Variants in PKHD1L1 observed in about 807,000 individuals in gnomAD.
The protein encoded by PKHD1L1 is fibrocystin-L.
Under a neutral mutation model 462.9 loss-of-function variants are expected in PKHD1L1, and 434 were observed. That is an observed-to-expected ratio of 0.94 (90% CI 0.87 to 1.02). PKHD1L1 has a LOEUF of 1.02. Ranked by LOEUF, PKHD1L1 falls within the 50% of genes least tolerant of loss-of-function variation. The pLI, the probability that PKHD1L1 is intolerant of heterozygous loss-of-function variation, is 0.00. For synonymous variants in PKHD1L1, 1,781 were observed against 1,750.0 expected (o/e 1.02, Z -0.44); for missense variants, 5,202 against 5,096.1 (o/e 1.02, Z -0.63).
intron 67 of PKHD1L1, among the ~76,000 whole-genome samples, chr8:109,503,742 C>G (rs1262144450): frequency 2.0e-5 from 3 of 152,164 alleles, no homozygotes; most frequent in Admixed American, 1.3e-4. Context: ...TTTAAACAAC[C>G]ATTTAGCTCA....
At position 109,400,175 on chromosome 8, in the gene PKHD1L1, C is replaced by T; in HGVS notation, c.1112C>T (p.Ala371Val). 1.2e-6 allele frequency: 2 copies of T among 1,613,598 alleles called. No homozygotes were observed. The highest frequency in any genetic ancestry group is 1.7e-6 in the Non-Finnish European group (2 of 1,179,696). The change falls in exon 13 of 78, where the codon GCC becomes GTC. Residue 371 changes from alanine to valine, a missense_variant. This residue lies in a region of PKHD1L1 where 4,497 missense variants were observed against 4,336.8 expected (regional missense o/e 1.04). Coordinates refer to ENST00000378402, the MANE Select transcript of PKHD1L1 (RefSeq NM_177531.6). ...YNEKTPGYMG[A>V]SWVDSASYIW... ...GAAAAAACGCCTGGGTACATGGGTG[C>T]CAGTTGGGTAGATTCAGCTTCCTAT... is the stretch of plus-strand genomic sequence containing the variant.
intron 50 of PKHD1L1, chr8:109,470,911 G>A: frequency 6.3e-7 from 1 of 1,586,644 alleles, no homozygotes; most frequent in Non-Finnish European, 8.6e-7. Flanking sequence ...GGGAAGCCTG[G>A]GGAGAGAGAA....
Position 109,452,863 on chromosome 8 carries a change from T to C in PKHD1L1, c.6653T>C (p.Leu2218Ser). Residue 2218 changes from leucine (L) to serine (S), a missense_variant, in exon 43 of 78, where the codon TTG becomes TCG. Leu to Ser is a moderately radical substitution (Grantham distance 145, BLOSUM62 -2). Around this residue, in one of 3 missense-constraint regions of PKHD1L1, gnomAD observed 4,497 missense variants for 4,336.8 expected, o/e 1.04. Coordinates refer to ENST00000378402, the MANE Select transcript of PKHD1L1 (RefSeq NM_177531.6). ...CAAAGCACCCCTATTTTGAAAATGT[T>C]GCTTATTCAGGGTAAATTTCTGAAT... ...LDQSTPILKM[L>S]LIQGGTLIFD... The C allele has an allele frequency of 1.4e-6, 2 of 1,446,142 alleles. No individual in the cohort carries two copies. Among genetic ancestry groups the C allele is most frequent in the South Asian group, 3.3e-5 (2 of 61,138 alleles). 89.6% of individuals were successfully genotyped at this position (1,446,142 alleles called of 1,614,324 possible). A position where few individuals can be genotyped will look rare whatever the true frequency, so the allele number is the denominator to read the frequency against.
intron 2 of PKHD1L1, among the ~76,000 whole-genome samples, chr8:109,372,279 G>A (rs1477258894): frequency 6.6e-6 from 1 of 152,212 alleles, no homozygotes; most frequent in Non-Finnish European, 1.5e-5. Context: ...GTGAATGGGA[G>A]TTCACTCAAG....
At chr8:109,366,244 T>C (rs1261814120) in intron 2 of PKHD1L1, among the ~76,000 whole-genome samples, 2 of 152,268 alleles carry the variant, frequency 1.3e-5, no homozygotes, top group Non-Finnish European at 1.5e-5. Flanking sequence ...GGTAAATTTC[T>C]ACTTTTCTCA....
At chr8:109,508,875 A>G (rs1819834225) in intron 70 of PKHD1L1, among the ~76,000 whole-genome samples, 1 of 152,142 alleles carries the variant, frequency 6.6e-6, no homozygotes, top group South Asian at 2.1e-4. Context: ...GAGGATGCAG[A>G]TCAGCTTAGG....
chr8:109,515,881 G>T (rs908305273), intron 72 of PKHD1L1, among the ~76,000 whole-genome samples: 1 of 152,022 alleles, frequency 6.6e-6, no homozygotes, highest in Non-Finnish European at 1.5e-5. Flanking sequence ...TTCTAATGAG[G>T]CCAATAGCAT....
chr8:109,382,474 A>C lies in PKHD1L1; in HGVS notation c.320A>C (p.Glu107Ala). Reference sequence around the variant, plus strand: ...CATTTTCTTTATAGAGCAATGCCGGAAGATTCCTACACTGTTAGAGTCAGT... The same window carrying C: ...CATTTTCTTTATAGAGCAATGCCGGCAGATTCCTACACTGTTAGAGTCAGT... ...QITCYTRAMP[E>A]DSYTVRVSVD... is the part of the protein sequence containing the mutation. The change falls in exon 4 of 78, where the codon GAA (glutamate) becomes GCA (alanine). Residue 107 changes from glutamate to alanine, a missense_variant. By Grantham distance (107) the Glu-to-Ala change is moderately radical. Around this residue, in one of 3 missense-constraint regions of PKHD1L1, gnomAD observed 4,497 missense variants for 4,336.8 expected, o/e 1.04. Coordinates refer to ENST00000378402, the MANE Select transcript of PKHD1L1 (RefSeq NM_177531.6). 6.2e-7 allele frequency: 1 copy of C among 1,605,214 alleles called. No individual in the cohort carries two copies. The highest frequency in any genetic ancestry group is 1.1e-5 in the South Asian group (1 of 89,680).
rs113736115 is a variant in PKHD1L1 at position 109,418,403 on chromosome 8, A to T, written c.2361-694A>T. On this transcript the variant is annotated intron_variant, in intron 21 of 77. Coordinates refer to ENST00000378402, the MANE Select transcript of PKHD1L1 (RefSeq NM_177531.6). ...AGGTACCCAAACAAACTAGTCAGTT[A>T]ATAACTACAGTGGTAGCTGATGAAA... Among the ~76,000 whole-genome samples the T allele has an allele frequency of 2.5e-3, 382 of 152,342 alleles. 1 individual carries two copies. Among genetic ancestry groups the T allele is most frequent in the African/African-American group, 8.8e-3 (366 of 41,592 alleles).
chr8:109,440,834 G>A lies in PKHD1L1; in HGVS notation c.4081G>A (p.Glu1361Lys). 1 of 1,612,618 alleles carries A rather than the reference G, an allele frequency of 6.2e-7. No individual in the cohort carries two copies. The change falls in exon 33 of 78, where the codon GAG (glutamate) becomes AAG (lysine). Residue 1361 changes from glutamate to lysine, a missense_variant. Around this residue, in one of 3 missense-constraint regions of PKHD1L1, gnomAD observed 4,497 missense variants for 4,336.8 expected, o/e 1.04. Coordinates refer to ENST00000378402, the MANE Select transcript of PKHD1L1 (RefSeq NM_177531.6). ...RGFGFSTIPA[E>K]NTVLLGSIPC... ...TTTTGGATTCAGCACAATACCAGCT[G>A]AGAATACCGTGCTGTTAGGTAAGAG...
At chr8:109,528,493 C>G (rs983954841) in intron 77 of PKHD1L1, among the ~76,000 whole-genome samples, 1 of 152,138 alleles carries the variant, frequency 6.6e-6, no homozygotes, top group Non-Finnish European at 1.5e-5. Context: ...CAAATCATTT[C>G]CAGAAAGAAT....
intron 50 of PKHD1L1, among the ~76,000 whole-genome samples, chr8:109,467,173 A>G (rs1270262954): frequency 6.6e-6 from 1 of 152,034 alleles, no homozygotes; most frequent in Admixed American, 6.6e-5. Context: ...GGATTTACTG[A>G]TTTGTTCCGG....
Position 109,490,062 on chromosome 8 carries a change from G to A in PKHD1L1, c.9984+7G>A. On this transcript the variant is annotated splice_region_variant and intron_variant, in intron 60 of 77. Transcript: ENST00000378402. ...GTTTCTTAACCTAGGACAGGTTTGT[G>A]CTTTATTTTTAATTTTGTGTATATT... 1 of 1,532,924 alleles carries A rather than the reference G, an allele frequency of 6.5e-7. No homozygotes were observed. The highest frequency in any genetic ancestry group is 8.9e-7 in the Non-Finnish European group (1 of 1,128,972). 95.0% of individuals were successfully genotyped at this position (1,532,924 alleles called of 1,614,324 possible).
rs531950895 is a variant in PKHD1L1, at chr8:109,368,412, T to C, written c.163+3776T>C. Among the ~76,000 whole-genome samples, 8 of 152,308 alleles carry C rather than the reference T, an allele frequency of 5.3e-5. No homozygotes were observed. The South Asian group carries it at 1.5e-3, about 28-fold the overall frequency. ...AGCCTTAGCTTACTCATCAGTAAAA[T>C]GGACTATTAATTCCTACCTCTTGGG... On this transcript the variant is annotated intron_variant, in intron 2 of 77. Transcript: ENST00000378402.
At position 109,448,140 on chromosome 8, in the gene PKHD1L1, A is replaced by G; in HGVS notation, c.5777-3A>G. ...TATATTGTGTGCTTTTTTTTTTTTT[A>G]AGGTCCACCAGGAACTGAAATTGAG... On this transcript the variant is annotated splice_polypyrimidine_tract_variant and splice_region_variant and intron_variant, in intron 38 of 77. Coordinates refer to ENST00000378402, the MANE Select transcript of PKHD1L1 (RefSeq NM_177531.6). The G allele has an allele frequency of 6.4e-7, 1 of 1,558,200 alleles. No homozygotes were observed. The highest frequency in any genetic ancestry group is 8.6e-7 in the Non-Finnish European group (1 of 1,156,398).
chr8:109,445,377 A>T lies in PKHD1L1; in HGVS notation c.5508A>T (p.Leu1836=). The T allele has an allele frequency of 6.2e-7, 1 of 1,613,956 alleles. No homozygotes were observed. The highest frequency in any genetic ancestry group is 2.2e-5 in the East Asian group (1 of 44,880). ...LTVSSPPVAS[L]SPTSGSIGGG... ...TCAGCAGCCCCCCAGTAGCATCTCT[A>T]TCACCAACTTCTGGAAGCATTGGTG... The change falls in exon 38 of 78, where the codon CTA becomes CTT. Residue 1836 remains leucine (L), a synonymous_variant. Coordinates refer to ENST00000378402, the MANE Select transcript of PKHD1L1 (RefSeq NM_177531.6).
In PKHD1L1 at chr8:109,491,855, T is replaced by C. The variant is rs781172475; in HGVS notation, c.10115-18T>C. Reference sequence around the variant, plus strand: ...TGTTTTTTGGGGATTTTCTTTCTTTTTTTCTTTTTTTAAACAGGCATAAGA... The same window carrying C: ...TGTTTTTTGGGGATTTTCTTTCTTTCTTTCTTTTTTTAAACAGGCATAAGA... On this transcript the variant is annotated intron_variant, in intron 61 of 77. Transcript: ENST00000378402. 6.5e-6 allele frequency: 10 copies of C among 1,538,070 alleles called. No individual in the cohort carries two copies. Among genetic ancestry groups the C allele is most frequent in the Non-Finnish European group, 7.9e-6 (9 of 1,140,224 alleles).
At chr8:109,462,649 C>T (rs1017355566) in intron 48 of PKHD1L1, among the ~76,000 whole-genome samples, 10 of 152,168 alleles carry the variant, frequency 6.6e-5, no homozygotes, top group Admixed American at 5.9e-4. Context: ...TCAAGCAATT[C>T]TCCTGCCTCA....
intron 39 of PKHD1L1, among the ~76,000 whole-genome samples, chr8:109,448,920 C>T (rs1284979229): frequency 6.6e-6 from 1 of 151,934 alleles, no homozygotes; most frequent in Non-Finnish European, 1.5e-5. Flanking sequence ...CATGTTTAGA[C>T]ATCACTGGTA....
Sources: gnomAD v4.1 joint callset for allele counts (sites outside exome capture counted in the v4.1 genomes callset) on GRCh38, gnomAD v4.1.1 for gene constraint, gnomAD v4.1.1 regional missense constraint, MANE v1.5 for transcripts, NCBI Gene and HGNC (gene_info 2026-07-23, HGNC 2026-07-21) for gene names.